CDYL: variants seen among roughly 807,000 people sequenced by gnomAD.
The protein encoded by CDYL is chromodomain Y like.
In CDYL, 8 loss-of-function variants were observed where a neutral mutation model predicts 47.3. The ratio of observed to expected loss-of-function variants is 0.17; its 90% confidence interval spans 0.10 to 0.31. The LOEUF is 0.31. CDYL is among the 10% of genes least tolerant of loss of function. The pLI is 1.00. For missense variants in CDYL, 471 were observed against 701.4 expected (o/e 0.67, Z 3.71); for synonymous variants, 266 against 265.0 (o/e 1.00, Z -0.04).
chr6:4,855,000 A>T (rs1760963790), intron 1 of CDYL, among the ~76,000 whole-genome samples: 1 of 152,240 alleles, frequency 6.6e-6, no homozygotes, highest in South Asian at 2.1e-4. Flanking sequence ...AATAGGGTCA[A>T]TATGAGCTTT....
chr6:4,812,416 T>C (rs979462478), intron 1 of CDYL, among the ~76,000 whole-genome samples: 7 of 152,242 alleles, frequency 4.6e-5, no homozygotes, highest in African/African-American at 1.7e-4. Context: ...TGTGTACATG[T>C]GCCCAGAAAG....
intron 2 of CDYL, among the ~76,000 whole-genome samples, chr6:4,919,257 G>A (rs115075000): frequency 0.015 from 2,208 of 151,990 alleles, 62 homozygotes; most frequent in African/African-American, 0.049. Context: ...TGGCCTGTGT[G>A]TATACATTAA....
chr6:4,927,992 A>G (rs1757927655), intron 2 of CDYL, among the ~76,000 whole-genome samples: 1 of 152,106 alleles, frequency 6.6e-6, no homozygotes. Context: ...GCTGTTCTTA[A>G]ACTGATTCTA....
chr6:4,901,628 C>A (rs1278442882), intron 2 of CDYL, among the ~76,000 whole-genome samples: 1 of 152,172 alleles, frequency 6.6e-6, no homozygotes, highest in Non-Finnish European at 1.5e-5. Flanking sequence ...TACGTTAGAA[C>A]CTACTCCTGA....
chr6:4,932,279 G>A (rs1431828094), intron 2 of CDYL, among the ~76,000 whole-genome samples: 1 of 152,190 alleles, frequency 6.6e-6, no homozygotes, highest in African/African-American at 2.4e-5. Flanking sequence ...GTGCCAGCAG[G>A]TTCAGGGTCT....
At chr6:4,912,455 C>T (rs2127501037) in intron 2 of CDYL, among the ~76,000 whole-genome samples, 1 of 152,342 alleles carries the variant, frequency 6.6e-6, no homozygotes, top group South Asian at 2.1e-4. Flanking sequence ...GGTAGCAAGG[C>T]GCACTTACAG....
intron 2 of CDYL, among the ~76,000 whole-genome samples, chr6:4,901,392 TC>T (rs1757049464): frequency 3.9e-5 from 6 of 152,158 alleles, no homozygotes. Flanking sequence ...TCTGGAATAT[TC>T]CTCCAGTGGC....
intron 3 of CDYL, among the ~76,000 whole-genome samples, chr6:4,742,057 TCA>T (rs1420962359): frequency 1.3e-5 from 2 of 151,948 alleles, no homozygotes; most frequent in Admixed American, 1.3e-4. Context: ...ACAGAAAAAC[TCA>T]CATTAGAAAA....
At chr6:4,927,264 C>A (rs1206097711) in intron 2 of CDYL, among the ~76,000 whole-genome samples, 1 of 152,010 alleles carries the variant, frequency 6.6e-6, no homozygotes, top group African/African-American at 2.4e-5. Context: ...TACAAAATTG[C>A]TTTCTAGGAA....
At chr6:4,811,573 A>G (rs920741529) in intron 1 of CDYL, among the ~76,000 whole-genome samples, 5 of 150,990 alleles carry the variant, frequency 3.3e-5, no homozygotes, top group African/African-American at 1.2e-4. Context: ...TTTAAAAACT[A>G]GCTTTTAATT....
At chr6:4,885,580 C>G (rs1000080544) in intron 1 of CDYL, among the ~76,000 whole-genome samples, 10 of 152,200 alleles carry the variant, frequency 6.6e-5, no homozygotes, top group Admixed American at 5.9e-4. Flanking sequence ...GGACTCTTGT[C>G]TTCTGCCAGC....
At chr6:4,878,289 AT>A (rs1431557862) in intron 1 of CDYL, among the ~76,000 whole-genome samples, 1 of 151,942 alleles carries the variant, frequency 6.6e-6, no homozygotes, top group African/African-American at 2.4e-5. Flanking sequence ...TTCTGAAATG[AT>A]TTCTATAAAA....
chr6:4,773,073 C>T (rs1758361287), upstream of CDYL: 2 of 455,594 alleles, frequency 4.4e-6, no homozygotes, highest in Non-Finnish European at 8.8e-6. The surrounding 1 kb of genome is among the most constrained non-coding windows in gnomAD (Gnocchi z 4.6). Flanking sequence ...GATTCTTGAT[C>T]TGAAGAGTCT....
At chr6:4,746,426 A>T (rs192896564) in intron 3 of CDYL, among the ~76,000 whole-genome samples, 82 of 152,186 alleles carry the variant, frequency 5.4e-4, no homozygotes, top group African/African-American at 1.9e-3. Context: ...GATGACTTCA[A>T]TGAAGGAAAT....
At chr6:4,902,993 A>G (rs758283850) in intron 2 of CDYL, among the ~76,000 whole-genome samples, 2 of 152,270 alleles carry the variant, frequency 1.3e-5, no homozygotes, top group African/African-American at 2.4e-5. Context: ...TGCCTAGTCC[A>G]ATTGTTTACA....
intron 2 of CDYL, among the ~76,000 whole-genome samples, chr6:4,720,791 T>C (rs979314978): frequency 6.6e-6 from 1 of 152,212 alleles, no homozygotes; most frequent in Non-Finnish European, 1.5e-5. Flanking sequence ...TGGAAAATAA[T>C]ATCTTGAATT....
At chr6:4,753,066 C>T (rs569618863) in intron 3 of CDYL, among the ~76,000 whole-genome samples, 2 of 152,118 alleles carry the variant, frequency 1.3e-5, no homozygotes, top group East Asian at 1.9e-4. Context: ...CACAGGTGTG[C>T]ACCACCATGC....
At chr6:4,857,392 G>T (rs1019050225) in intron 1 of CDYL, among the ~76,000 whole-genome samples, 1 of 152,182 alleles carries the variant, frequency 6.6e-6, no homozygotes, top group Non-Finnish European at 1.5e-5. Context: ...GAATTTAAGG[G>T]TAGTTGCAAA....
chr6:4,863,334 T>C (rs1308943388), intron 1 of CDYL, among the ~76,000 whole-genome samples: 2 of 152,224 alleles, frequency 1.3e-5, no homozygotes, highest in Non-Finnish European at 2.9e-5. Flanking sequence ...AACTTGTACA[T>C]GTAGTCCCCG....
Sources: allele counts gnomAD v4.1 joint callset (sites outside exome capture counted in the v4.1 genomes callset), GRCh38; gene constraint gnomAD v4.1.1; non-coding constraint Gnocchi (gnomAD v3.1); transcripts MANE v1.5; gene names NCBI Gene and HGNC (gene_info 2026-07-23, HGNC 2026-07-21).